Variants in RASA2 observed in about 807,000 individuals in gnomAD.
The protein encoded by RASA2 is ras GTPase-activating protein 2.
In RASA2, 155 loss-of-function variants were observed where a neutral mutation model predicts 118.2. The ratio of observed to expected loss-of-function variants is 1.31; its 90% CI spans 1.15 to 1.50. RASA2 has a LOEUF of 1.50. Among genes scored for constraint, RASA2 ranks in the 40% most tolerant of loss-of-function variants. The probability of loss-of-function intolerance (pLI) is 0.00; values close to 1 mark genes in which losing one functional copy is unlikely to be tolerated. For synonymous variants in RASA2, 353 were observed against 349.1 expected (o/e 1.01, Z -0.12); for missense variants, 1,016 against 1,009.6 (o/e 1.01, Z -0.09).
At chr3:141,553,064 A>C (rs1013197486) in intron 5 of RASA2, among the ~76,000 whole-genome samples, 2 of 152,224 alleles carry the variant, frequency 1.3e-5, no homozygotes, top group African/African-American at 4.8e-5. Flanking sequence ...TATGGTCTAA[A>C]ACATTTTCTA....
At chr3:141,605,005 A>G (rs2107797978) in intron 19 of RASA2, among the ~76,000 whole-genome samples, 1 of 152,192 alleles carries the variant, frequency 6.6e-6, no homozygotes, top group East Asian at 1.9e-4. Flanking sequence ...AATGGAGTAA[A>G]CATACTCCAT....
chr3:141,523,743 G>A (rs886940625), intron 3 of RASA2, among the ~76,000 whole-genome samples: 1 of 152,022 alleles, frequency 6.6e-6, no homozygotes, highest in South Asian at 2.1e-4. Flanking sequence ...AGTTCTCCCC[G>A]ACCCCTCACT....
At chr3:141,567,279 G>A (rs1242514691) in intron 9 of RASA2, among the ~76,000 whole-genome samples, 2 of 152,030 alleles carry the variant, frequency 1.3e-5, no homozygotes, top group African/African-American at 4.8e-5. Flanking sequence ...AGCCCGGTGT[G>A]GTGGCCCGCG....
chr3:141,531,746 TTA>T (rs1315459711), intron 4 of RASA2, among the ~76,000 whole-genome samples: 4 of 152,024 alleles, frequency 2.6e-5, no homozygotes, highest in African/African-American at 9.7e-5. Flanking sequence ...TGCTCACTAT[TTA>T]AAACAGATTT....
chr3:141,580,081 AAAAAATATATATATAT>A (rs2083081892), intron 15 of RASA2, among the ~76,000 whole-genome samples: 1 of 95,608 alleles, frequency 1.0e-5, no homozygotes, highest in African/African-American at 4.1e-5. Context: ...AAAAAAAAAA[AAAAAATATATATATAT>A]ATATATATAT....
At chr3:141,592,150 G>A (rs1165112348) in intron 19 of RASA2, among the ~76,000 whole-genome samples, 1 of 152,140 alleles carries the variant, frequency 6.6e-6, no homozygotes, top group Admixed American at 6.5e-5. Flanking sequence ...AGAAAATGAT[G>A]GGTTCAGTGA....
chr3:141,524,566 A>G (rs1397062174), intron 3 of RASA2, among the ~76,000 whole-genome samples: 1 of 152,000 alleles, frequency 6.6e-6, no homozygotes. Flanking sequence ...TTCTATAGAC[A>G]GTAATATTTG....
intron 1 of RASA2, among the ~76,000 whole-genome samples, chr3:141,511,400 G>A (rs2081948578): frequency 6.6e-6 from 1 of 152,168 alleles, no homozygotes; most frequent in Non-Finnish European, 1.5e-5. Context: ...GTTTGGAATT[G>A]AGGCATTGCA....
In RASA2 at chr3:141,487,049, A is replaced by T; in HGVS notation, c.-35A>T. 6 of 1,193,352 alleles carry T rather than the reference A, an allele frequency of 5.0e-6. No homozygotes were observed. Among genetic ancestry groups the T allele is most frequent in the Non-Finnish European group, 6.3e-6 (6 of 958,898 alleles). 73.9% of individuals were successfully genotyped at this position (1,193,352 alleles called of 1,614,324 possible). ...TGGGCTCCGCCTCGCCCGGCTACGC[A>T]GGCGGCAGGGCTGCGGCACGGGCCG... On this transcript the variant is annotated 5_prime_UTR_variant, in exon 1 of 24. Transcript: ENST00000286364.
intron 3 of RASA2, among the ~76,000 whole-genome samples, chr3:141,523,563 T>C (rs1373144096): frequency 2.0e-5 from 3 of 152,224 alleles, no homozygotes; most frequent in African/African-American, 7.2e-5. Context: ...TTTAAGCATA[T>C]ATTTTTATTT....
intron 19 of RASA2, among the ~76,000 whole-genome samples, chr3:141,600,891 A>G (rs1388311266): frequency 6.6e-6 from 1 of 152,214 alleles, no homozygotes; most frequent in East Asian, 1.9e-4. Flanking sequence ...TTGAGAGCTA[A>G]TTTAAAGACT....
rs768541132 is a variant in RASA2, at chr3:141,577,006, C to T, written c.1490C>T (p.Pro497Leu). The T allele has an allele frequency of 6.3e-7, 1 of 1,594,796 alleles. No homozygotes were observed. Among genetic ancestry groups the T allele is most frequent in the South Asian group, 1.1e-5 (1 of 87,784 alleles). ...CACCATTTTTTTCCTGCAGATGACC[C>T]TCATGTTCAGTATTCTGCAGTGAGC... ...QMATQRFPND[P>L]HVQYSAVSSF... The change falls in exon 15 of 24, where the codon CCT becomes CTT. Residue 497 changes from proline (P) to leucine (L), a missense_variant. By Grantham distance (98) the Pro-to-Leu change is moderately conservative. Around this residue, in one of 2 missense-constraint regions of RASA2, gnomAD observed 896 missense variants for 836.4 expected, o/e 1.07. Transcript: ENST00000286364.
rs189006710 is a variant in RASA2, at chr3:141,506,660, C to T, written c.134-5503C>T. Among the ~76,000 whole-genome samples, 122 of 152,236 alleles carry T rather than the reference C, an allele frequency of 8.0e-4. 1 individual carries two copies. The highest frequency in any genetic ancestry group is 7.5e-3 in the Admixed American group (115 of 15,304). On this transcript the variant is annotated intron_variant, in intron 1 of 23. Transcript: ENST00000286364. ...AGGCATGGTAGCTCACGCCTATAAT[C>T]CCAGCACTTTGGGAGGCCAAGGCAG...
intron 1 of RASA2, among the ~76,000 whole-genome samples, chr3:141,498,427 A>G (rs113686635): frequency 2.0e-5 from 3 of 152,348 alleles, no homozygotes; most frequent in African/African-American, 7.2e-5. Flanking sequence ...TGGATATTCA[A>G]TAAAATTATG....
At chr3:141,504,982 C>T (rs1281596583) in intron 1 of RASA2, among the ~76,000 whole-genome samples, 4 of 152,158 alleles carry the variant, frequency 2.6e-5, no homozygotes, top group African/African-American at 9.7e-5. Flanking sequence ...GGCTTATACC[C>T]TCAATGACTT....
chr3:141,495,900 A>G (rs78217464), intron 1 of RASA2, among the ~76,000 whole-genome samples: 2,068 of 152,350 alleles, frequency 0.014, 61 homozygotes, highest in African/African-American at 0.047. Flanking sequence ...TATGAAAGGA[A>G]AGAACTCCAG....
chr3:141,558,562 A>G (rs1290470887), intron 7 of RASA2, among the ~76,000 whole-genome samples: 2 of 152,146 alleles, frequency 1.3e-5, no homozygotes, highest in African/African-American at 2.4e-5. Flanking sequence ...GTGGTGAGGA[A>G]GTACAAGCTG....
chr3:141,554,972 A>T (rs931783543), intron 6 of RASA2, among the ~76,000 whole-genome samples: 1 of 152,180 alleles, frequency 6.6e-6, no homozygotes, highest in Non-Finnish European at 1.5e-5. Flanking sequence ...TGTGTTTTAA[A>T]AAGTCTGGCC....
At chr3:141,553,522 T>C (rs936119108) in intron 5 of RASA2, among the ~76,000 whole-genome samples, 1 of 152,206 alleles carries the variant, frequency 6.6e-6, no homozygotes, top group Non-Finnish European at 1.5e-5. Context: ...AGCATTTCCT[T>C]GGAGCATCAT....
Sources: gnomAD v4.1 joint callset for allele counts (sites outside exome capture counted in the v4.1 genomes callset) on GRCh38, gnomAD v4.1.1 for gene constraint, gnomAD v4.1.1 regional missense constraint, MANE v1.5 for transcripts, NCBI Gene and HGNC (gene_info 2026-07-23, HGNC 2026-07-21) for gene names.